Variants in HIBADH observed in about 807,000 individuals in gnomAD.
The protein encoded by HIBADH is 3-hydroxyisobutyrate dehydrogenase, also known as 3-hydroxyisobutyrate dehydrogenase, mitochondrial.
A neutral mutation model predicts 36.1 loss-of-function variants in HIBADH; 25 were observed. That is an observed-to-expected ratio of 0.69 (90% CI 0.50 to 0.97). The LOEUF is 0.97. HIBADH is among the 50% of genes least tolerant of loss of function. HIBADH has a pLI of 0.00. For synonymous variants in HIBADH, 160 were observed against 149.5 expected (o/e 1.07, Z -0.51); for missense variants, 421 against 418.0 (o/e 1.01, Z -0.06).
intron 4 of HIBADH, among the ~76,000 whole-genome samples, chr7:27,568,425 T>C (rs1033418845): frequency 6.6e-6 from 1 of 152,092 alleles, no homozygotes; most frequent in Non-Finnish European, 1.5e-5. Context: ...TTTTTTTTTC[T>C]AGCTGATCTC....
intron 4 of HIBADH, among the ~76,000 whole-genome samples, chr7:27,547,823 T>C (rs1446157809): frequency 2.0e-5 from 3 of 152,134 alleles, no homozygotes; most frequent in Non-Finnish European, 4.4e-5. Flanking sequence ...CACAAAACTA[T>C]GGCATGTTTT....
At chr7:27,612,410 C>A (rs1474977660) in intron 4 of HIBADH, among the ~76,000 whole-genome samples, 1 of 151,388 alleles carries the variant, frequency 6.6e-6, no homozygotes, top group East Asian at 2.0e-4. Context: ...ACTGCAGCCT[C>A]TGCCTCCCGG....
intron 4 of HIBADH, among the ~76,000 whole-genome samples, chr7:27,619,250 C>A (rs1368060275): frequency 6.6e-6 from 1 of 152,054 alleles, no homozygotes; most frequent in Non-Finnish European, 1.5e-5. Context: ...TGCATGCAAC[C>A]GTAATCAAAG....
chr7:27,657,977 G>C (rs1245584688), intron 1 of HIBADH, among the ~76,000 whole-genome samples: 1 of 152,156 alleles, frequency 6.6e-6, no homozygotes, highest in Non-Finnish European at 1.5e-5. Flanking sequence ...AAATGGTCAA[G>C]TTGTAGCAGT....
chr7:27,617,980 G>A (rs567099282), intron 4 of HIBADH, among the ~76,000 whole-genome samples: 2 of 152,294 alleles, frequency 1.3e-5, no homozygotes, highest in Admixed American at 6.5e-5. Flanking sequence ...GGCAGTACCT[G>A]GGACAAAGGA....
chr7:27,635,721 C>G (rs562128728), intron 2 of HIBADH, among the ~76,000 whole-genome samples: 119 of 152,306 alleles, frequency 7.8e-4, no homozygotes, highest in Admixed American at 2.4e-3. Flanking sequence ...TTCAACACCT[C>G]CATAACTGGG....
At chr7:27,526,504 G>A in intron 7 of HIBADH, 132 bp from the exon 8 acceptor site, 1 of 607,166 alleles carries the variant, frequency 1.6e-6, no homozygotes, top group East Asian at 3.5e-5. Context: ...AAATACTATG[G>A]TAAGTTAACA....
At chr7:27,550,130 C>T (rs776187620) in intron 4 of HIBADH, among the ~76,000 whole-genome samples, 6 of 152,028 alleles carry the variant, frequency 3.9e-5, no homozygotes, top group East Asian at 1.9e-4. Flanking sequence ...AGGATGGTCT[C>T]GATCTCTTTG....
intron 4 of HIBADH, among the ~76,000 whole-genome samples, chr7:27,569,098 T>C (rs939565750): frequency 6.6e-6 from 1 of 152,124 alleles, no homozygotes; most frequent in Non-Finnish European, 1.5e-5. Context: ...ATCCACTGAC[T>C]CTTTTCTTTG....
intron 2 of HIBADH, among the ~76,000 whole-genome samples, chr7:27,643,981 C>T (rs1264226280): frequency 6.6e-6 from 1 of 152,196 alleles, no homozygotes; most frequent in Non-Finnish European, 1.5e-5. Context: ...AACTTTAGAT[C>T]GTCAAAGACC....
chr7:27,552,692 G>C (rs1417792320), intron 4 of HIBADH, among the ~76,000 whole-genome samples: 2 of 152,172 alleles, frequency 1.3e-5, no homozygotes, highest in Admixed American at 6.5e-5. Flanking sequence ...TCCAGAAACT[G>C]TATTTCACAA....
At chr7:27,557,736 A>G (rs1433758370) in intron 4 of HIBADH, among the ~76,000 whole-genome samples, 1 of 152,222 alleles carries the variant, frequency 6.6e-6, no homozygotes, top group Non-Finnish European at 1.5e-5. Context: ...CATTCAGGAA[A>G]GGAGGAACCC....
intron 4 of HIBADH, among the ~76,000 whole-genome samples, chr7:27,591,662 A>T (rs928390919): frequency 6.6e-6 from 1 of 152,208 alleles, no homozygotes; most frequent in Non-Finnish European, 1.5e-5. Context: ...ATCTGCAAGC[A>T]TTTACATATA....
At chr7:27,590,873 T>A (rs1784929000) in intron 4 of HIBADH, among the ~76,000 whole-genome samples, 2 of 152,194 alleles carry the variant, frequency 1.3e-5, no homozygotes, top group Non-Finnish European at 2.9e-5. Flanking sequence ...GAAATTATAT[T>A]TCCAGCCTTT....
chr7:27,622,023 G>C (rs1398949914), intron 4 of HIBADH, among the ~76,000 whole-genome samples: 1 of 152,120 alleles, frequency 6.6e-6, no homozygotes, highest in African/African-American at 2.4e-5. Flanking sequence ...GGGAGGCCAA[G>C]GTAGGAGGAT....
chr7:27,562,702 C>A (rs1470248685), intron 4 of HIBADH, among the ~76,000 whole-genome samples: 1 of 152,300 alleles, frequency 6.6e-6, no homozygotes, highest in East Asian at 1.9e-4. Flanking sequence ...AAGTGATCGT[C>A]CTGTCTTGGC....
At chr7:27,593,712 A>G (rs1022131254) in intron 4 of HIBADH, among the ~76,000 whole-genome samples, 1 of 152,164 alleles carries the variant, frequency 6.6e-6, no homozygotes, top group Admixed American at 6.5e-5. Context: ...TTACAAAAAG[A>G]GGCAATATGA....
intron 2 of HIBADH, 113 bp from the exon 3 acceptor site, chr7:27,632,558 C>T: frequency 8.0e-6 from 3 of 376,842 alleles, no homozygotes; most frequent in South Asian, 3.7e-5. Flanking sequence ...TGCATAAAGA[C>T]TAATCCTTGT....
chr7:27,585,538 G>A (rs1404969190), intron 4 of HIBADH, among the ~76,000 whole-genome samples: 7 of 152,098 alleles, frequency 4.6e-5, no homozygotes, highest in Non-Finnish European at 7.4e-5. Flanking sequence ...CCTTCATTGT[G>A]GCTCACATTT....
Sources: allele counts gnomAD v4.1 joint callset (sites outside exome capture counted in the v4.1 genomes callset), GRCh38; gene constraint gnomAD v4.1.1; transcripts MANE v1.5; gene names NCBI Gene and HGNC (gene_info 2026-07-23, HGNC 2026-07-21).